Variants in PHIP observed in about 807,000 individuals in gnomAD.
The protein encoded by PHIP is PHIP subunit of CUL4-Ring ligase complex.
A neutral mutation model predicts 236.8 loss-of-function variants in PHIP; 54 were observed. That is an observed-to-expected ratio of 0.23 (90% CI 0.18 to 0.29). The LOEUF (loss-of-function observed/expected upper bound fraction) is 0.29, where lower values mean the gene tolerates loss of function less well. PHIP is among the 10% of genes least tolerant of loss of function. The pLI is 1.00. For synonymous variants in PHIP, 756 were observed against 718.9 expected, an observed-to-expected ratio of 1.05 and a Z score of -0.83; for missense variants, 1,370 against 2,190.8, an observed-to-expected ratio of 0.63 and a Z score of 7.48.
At chr6:79,075,262 T>A (rs371314705) in intron 4 of PHIP, among the ~76,000 whole-genome samples, 1 of 152,092 alleles carries the variant, frequency 6.6e-6, no homozygotes, top group African/African-American at 2.4e-5. Flanking sequence ...CACCTAGATA[T>A]ACAGTTTGAT....
At chr6:79,075,772 A>G (rs1774126337) in intron 4 of PHIP, among the ~76,000 whole-genome samples, 1 of 152,124 alleles carries the variant, frequency 6.6e-6, no homozygotes, top group South Asian at 2.1e-4. Flanking sequence ...TTCCTCAGTG[A>G]CTTAAGGTTT....
intron 9 of PHIP, among the ~76,000 whole-genome samples, chr6:79,022,135 G>A (rs949569278): frequency 6.6e-6 from 1 of 152,162 alleles, no homozygotes; most frequent in Non-Finnish European, 1.5e-5. Flanking sequence ...GCCTTGGGCC[G>A]AGTTCAGTTT....
Position 78,941,227 on chromosome 6 carries a change from T to A in PHIP, c.4932A>T (p.Lys1644Asn). 6.2e-7 allele frequency: 1 copy of A among 1,613,982 alleles called. No individual in the cohort carries two copies. The highest frequency in any genetic ancestry group is 1.3e-5 in the African/African-American group (1 of 75,054). Residue 1644 changes from lysine (K) to asparagine (N), a missense_variant, in exon 40 of 40, where the codon AAA becomes AAT. By Grantham distance (94) the Lys-to-Asn change is moderately conservative (BLOSUM62 0). Coordinates refer to ENST00000275034, the MANE Select transcript of PHIP (RefSeq NM_017934.7). ...LVKRGPGRKP[K>N]VEVNTNSGEI... ...CACCACTATTGGTATTAACTTCTAC[T>A]TTAGGTTTCCTTCCAGGTCCCCTCT... is the stretch of plus-strand genomic sequence containing the variant.
At position 79,025,541 on chromosome 6, in the gene PHIP, C is replaced by G; in HGVS notation, c.901G>C (p.Asp301His). ...ADGTICFWLW[D>H]AGTLKINPRP... ...GACTTTATTTTAAGGGTTCCAGCATCCCAGAGCCAAAAACAAATAGTGCCA... is the reference window on the plus strand; with the variant it reads ...GACTTTATTTTAAGGGTTCCAGCATGCCAGAGCCAAAAACAAATAGTGCCA... The change falls in exon 9 of 40, where the codon GAT (aspartate) becomes CAT (histidine). Residue 301 changes from aspartate (D) to histidine (H), a missense_variant. Asp to His is a moderately conservative substitution (Grantham distance 81). Transcript: ENST00000275034. 1 of 1,606,292 alleles carries G rather than the reference C, an allele frequency of 6.2e-7. No individual in the cohort carries two copies.
intron 16 of PHIP, among the ~76,000 whole-genome samples, chr6:79,002,980 T>C (rs1195767417): frequency 6.6e-6 from 1 of 152,150 alleles, no homozygotes; most frequent in African/African-American, 2.4e-5. Flanking sequence ...AAAATTTCAC[T>C]GGTTAATTTG....
intron 6 of PHIP, among the ~76,000 whole-genome samples, chr6:79,046,184 C>T (rs1772475931): frequency 6.6e-6 from 1 of 152,180 alleles, no homozygotes. Flanking sequence ...TTCCAACACA[C>T]CAGGTGTGCT....
chr6:78,953,574 A>G (rs776339826), intron 35 of PHIP, among the ~76,000 whole-genome samples: 12 of 152,208 alleles, frequency 7.9e-5, no homozygotes, highest in Non-Finnish European at 1.8e-4. Flanking sequence ...TTGAAAGGTG[A>G]GGTTCTAATT....
chr6:79,067,292 T>C (rs1470564821), intron 4 of PHIP, among the ~76,000 whole-genome samples: 1 of 152,226 alleles, frequency 6.6e-6, no homozygotes, highest in Non-Finnish European at 1.5e-5. Context: ...TTCACACCTC[T>C]ACTGGCTAAA....
intron 10 of PHIP, among the ~76,000 whole-genome samples, chr6:79,018,718 T>C (rs1296893918): frequency 6.6e-6 from 1 of 151,976 alleles, no homozygotes; most frequent in Middle Eastern, 3.2e-3. Context: ...TTTATTTTAC[T>C]TAACTATAGA....
intron 16 of PHIP, among the ~76,000 whole-genome samples, chr6:79,002,922 T>C (rs1330740007): frequency 1.3e-5 from 2 of 152,148 alleles, no homozygotes; most frequent in African/African-American, 2.4e-5. Flanking sequence ...TTTGAGATGA[T>C]ATAAAATTAT....
intron 39 of PHIP, among the ~76,000 whole-genome samples, chr6:78,943,592 A>C (rs1773625460): frequency 6.6e-6 from 1 of 152,206 alleles, no homozygotes; most frequent in African/African-American, 2.4e-5. Context: ...AAACACATTA[A>C]GCTCAGATTC....
At chr6:79,077,796 C>A in intron 2 of PHIP, 59 bp downstream of exon 2, 1 of 1,032,382 alleles carries the variant, frequency 9.7e-7, no homozygotes, top group East Asian at 7.5e-5. Context: ...CCGCCGCCTC[C>A]CTCCCCCACG....
At chr6:78,981,628 T>A (rs2127717665) in intron 23 of PHIP, among the ~76,000 whole-genome samples, 1 of 152,118 alleles carries the variant, frequency 6.6e-6, no homozygotes, top group East Asian at 1.9e-4. Context: ...AAGCAAACTG[T>A]ACTCTTGGGA....
chr6:79,072,325 A>G (rs1773923585), intron 4 of PHIP, among the ~76,000 whole-genome samples: 1 of 152,240 alleles, frequency 6.6e-6, no homozygotes, highest in African/African-American at 2.4e-5. Flanking sequence ...GTGTTCCATA[A>G]AAACAAGTCA....
At chr6:79,040,198 T>TC (rs1235502481) in intron 7 of PHIP, among the ~76,000 whole-genome samples, 2 of 152,064 alleles carry the variant, frequency 1.3e-5, no homozygotes, top group Non-Finnish European at 2.9e-5. Flanking sequence ...TATCATCTAC[T>TC]CCCCTCTCTC....
Position 78,998,318 on chromosome 6 carries a change from T to C in PHIP, c.1953A>G (p.Gln651=), listed in dbSNP as rs780635704. The C allele has an allele frequency of 7.4e-6, 12 of 1,613,272 alleles. No homozygotes were observed. In the South Asian group the frequency reaches 7.7e-5, roughly 10 times the overall value. ...CAGAACGTCTCAGGTCTTGCTCCTG[T>C]TGTAGTCTTTGAATCATGCTGTCCA... ...SPLDSMIQRL[Q]QEQDLRRSGE... is the part of the protein sequence containing the mutation. The change falls in exon 18 of 40, where the codon CAA becomes CAG. Residue 651 remains glutamine (Q), a synonymous_variant. Transcript: ENST00000275034.
chr6:79,010,706 G>A (rs1052977411), intron 15 of PHIP, among the ~76,000 whole-genome samples: 2 of 151,634 alleles, frequency 1.3e-5, no homozygotes, highest in South Asian at 2.1e-4. Context: ...AAGCAAAACC[G>A]CCAGAAACAT....
rs887635432 is a variant in PHIP, at chr6:79,078,212, C to T, written c.-144G>A. On this transcript the variant is annotated 5_prime_UTR_variant, in exon 1 of 40. Coordinates refer to ENST00000275034, the MANE Select transcript of PHIP (RefSeq NM_017934.7). ...ACCATTCAAGCAACGGCGGCGGAGG[C>T]GGAGGAGGAGGAGGAGGAAACAACA... is the stretch of plus-strand genomic sequence containing the variant. The T allele has an allele frequency of 1.1e-5, 8 of 728,322 alleles. No homozygotes were observed. Among genetic ancestry groups the T allele is most frequent in the Admixed American group, 2.8e-5 (1 of 35,132 alleles). 45.1% of individuals were successfully genotyped at this position (728,322 alleles called of 1,614,324 possible). A position where few individuals can be genotyped will look rare whatever the true frequency, so the allele number is the denominator to read the frequency against.
chr6:78,986,152 T>A (rs754544662), intron 21 of PHIP, among the ~76,000 whole-genome samples: 46 of 152,328 alleles, frequency 3.0e-4, no homozygotes, highest in Middle Eastern at 3.4e-3. Flanking sequence ...ACATTTATGT[T>A]TTACTTATTA....
Sources: allele counts gnomAD v4.1 joint callset (sites outside exome capture counted in the v4.1 genomes callset), GRCh38; gene constraint gnomAD v4.1.1; transcripts MANE v1.5; gene names NCBI Gene and HGNC (gene_info 2026-07-23, HGNC 2026-07-21).